CORO2B: variants seen among roughly 807,000 people sequenced by gnomAD.
CORO2B encodes coronin 2B.
Under a neutral mutation model 58.8 loss-of-function variants are expected in CORO2B, and 26 were observed. The observed-to-expected ratio is 0.44, with a 90% CI of 0.32 to 0.61. CORO2B has a LOEUF of 0.61. Ranked by LOEUF, CORO2B falls within the 20% of genes least tolerant of loss-of-function variation. The probability of loss-of-function intolerance (pLI) is 0.04; values close to 1 mark genes in which losing one functional copy is unlikely to be tolerated. For missense variants in CORO2B, 460 were observed against 645.1 expected, an observed-to-expected ratio of 0.71 and a Z score of 3.11; for synonymous variants, 242 against 253.8, an observed-to-expected ratio of 0.95 and a Z score of 0.44.
chr15:68,541,622 A>G, the CORO2B span, among the ~76,000 whole-genome samples: 1 of 152,216 alleles, frequency 6.6e-6, no homozygotes, highest in Non-Finnish European at 1.5e-5. Flanking sequence ...CCCAGCTACT[A>G]AAACAAGATC....
chr15:68,643,626 C>T (rs953393011), intron 1 of CORO2B, among the ~76,000 whole-genome samples: 5 of 152,184 alleles, frequency 3.3e-5, no homozygotes, highest in African/African-American at 1.2e-4. Context: ...GCCCAGAGAG[C>T]TGGTGGAAGA....
chr15:68,656,415 G>A (rs115268678), intron 2 of CORO2B, among the ~76,000 whole-genome samples: 3,384 of 152,094 alleles, frequency 0.022, 62 homozygotes, highest in African/African-American at 0.046. Flanking sequence ...AGGTGAGCAT[G>A]AGAGGTGGAA....
At chr15:68,536,760 T>C in the CORO2B span, among the ~76,000 whole-genome samples, 2 of 152,260 alleles carry the variant, frequency 1.3e-5, no homozygotes, top group African/African-American at 4.8e-5. Flanking sequence ...TGCAGCTAAG[T>C]TTGTCCTTGT....
the CORO2B span, among the ~76,000 whole-genome samples, chr15:68,553,092 G>C: frequency 6.6e-6 from 1 of 152,218 alleles, no homozygotes; most frequent in African/African-American, 2.4e-5. Context: ...GGAGTGAGAC[G>C]AGTCAAAGGA....
At chr15:68,712,806 G>A (rs1892950686) in intron 5 of CORO2B, among the ~76,000 whole-genome samples, 1 of 152,060 alleles carries the variant, frequency 6.6e-6, no homozygotes, top group Admixed American at 6.6e-5. Context: ...GCGAAGTTGG[G>A]AGACTCGAAT....
chr15:68,581,840 T>C (rs1226993127), intron 1 of CORO2B, among the ~76,000 whole-genome samples: 1 of 152,300 alleles, frequency 6.6e-6, no homozygotes, highest in South Asian at 2.1e-4. Context: ...TGTCTAGGGC[T>C]CTAGCCTTCT....
intron 2 of CORO2B, among the ~76,000 whole-genome samples, chr15:68,660,487 C>T (rs931617272): frequency 1.2e-4 from 18 of 152,210 alleles, no homozygotes; most frequent in Non-Finnish European, 2.1e-4. Flanking sequence ...GCTCTCACCT[C>T]AGCCTCCCAA....
upstream of CORO2B, among the ~76,000 whole-genome samples, chr15:68,578,017 C>T (rs114937651): frequency 9.9e-4 from 151 of 152,288 alleles, no homozygotes; most frequent in African/African-American, 3.5e-3. This position sits in a 1 kb window ranked among gnomAD's most constrained non-coding sequence, Gnocchi z 4.2. Flanking sequence ...CTAACTCCTC[C>T]CCTCCACCCT....
At chr15:68,651,309 T>C (rs1253705914) in intron 2 of CORO2B, among the ~76,000 whole-genome samples, 1 of 152,146 alleles carries the variant, frequency 6.6e-6, no homozygotes, top group East Asian at 1.9e-4. Context: ...GGACAGCCTC[T>C]AGGTTGGTGC....
chr15:68,623,848 C>T lies in CORO2B; in HGVS notation c.16-21312C>T, dbSNP rs547792760. Among the ~76,000 whole-genome samples, 30 of 152,278 alleles carry T rather than the reference C, an allele frequency of 2.0e-4. No individual in the cohort carries two copies. In the South Asian group the frequency reaches 5.6e-3, roughly 28 times the overall value. ...TGAGCAGCCCCAGCCCCTCCATTGT[C>T]GACACCACGGATTACAGCAGCTTCT... On this transcript the variant is annotated intron_variant, in intron 1 of 11. Transcript: ENST00000261861.
intron 3 of CORO2B, among the ~76,000 whole-genome samples, chr15:68,696,635 A>G (rs1196562590): frequency 6.6e-6 from 1 of 151,770 alleles, no homozygotes; most frequent in East Asian, 1.9e-4. Context: ...AGACTCTACC[A>G]ACTTTCACCA....
At chr15:68,522,477 T>C in the CORO2B span, among the ~76,000 whole-genome samples, 1 of 152,072 alleles carries the variant, frequency 6.6e-6, no homozygotes, top group African/African-American at 2.4e-5. Context: ...TGAGATGGAG[T>C]CTCGCTCTGT....
At chr15:68,622,638 C>T (rs955116870) in intron 1 of CORO2B, among the ~76,000 whole-genome samples, 4 of 152,202 alleles carry the variant, frequency 2.6e-5, no homozygotes, top group African/African-American at 9.7e-5. Context: ...CCCTATGGAG[C>T]ACCTTCAGAG....
chr15:68,543,362 C>A, the CORO2B span, among the ~76,000 whole-genome samples: 19 of 152,122 alleles, frequency 1.2e-4, 2 homozygotes, highest in Admixed American at 1.2e-3. Flanking sequence ...CTCTCCTGGA[C>A]CAAAGCCTAG....
chr15:68,658,374 G>T (rs945505981), intron 2 of CORO2B, among the ~76,000 whole-genome samples: 1 of 152,240 alleles, frequency 6.6e-6, no homozygotes, highest in Non-Finnish European at 1.5e-5. Flanking sequence ...CCTCGTCCCC[G>T]CCTGCCATCT....
At chr15:68,570,392 C>T in the CORO2B span, among the ~76,000 whole-genome samples, 1 of 152,174 alleles carries the variant, frequency 6.6e-6, no homozygotes, top group Non-Finnish European at 1.5e-5. Flanking sequence ...GTGATGTCTT[C>T]GTCTGAATTT....
intron 1 of CORO2B, among the ~76,000 whole-genome samples, chr15:68,639,149 C>A (rs1426527131): frequency 1.3e-5 from 2 of 152,308 alleles, no homozygotes; most frequent in East Asian, 3.9e-4. Context: ...GAAGTCACAG[C>A]CTTGGGGTGA....
At chr15:68,662,021 TAAA>T (rs1566999574) in intron 2 of CORO2B, among the ~76,000 whole-genome samples, 12 of 151,438 alleles carry the variant, frequency 7.9e-5, no homozygotes, top group East Asian at 1.9e-4. Flanking sequence ...AATAAATAAA[TAAA>T]TAAATTAATT....
chr15:68,654,462 T>C (rs1450543165), intron 2 of CORO2B, among the ~76,000 whole-genome samples: 1 of 152,232 alleles, frequency 6.6e-6, no homozygotes, highest in Non-Finnish European at 1.5e-5. Flanking sequence ...AGTCAAGCCA[T>C]GGGCCCTAAC....
Sources: allele counts gnomAD v4.1 joint callset (sites outside exome capture counted in the v4.1 genomes callset), GRCh38; gene constraint gnomAD v4.1.1; non-coding constraint Gnocchi (gnomAD v3.1); transcripts MANE v1.5; gene names NCBI Gene and HGNC (gene_info 2026-07-23, HGNC 2026-07-21).